Variants in TMED6 observed in about 807,000 individuals in gnomAD.
TMED6 encodes the protein transmembrane emp24 domain-containing protein 6.
TMED6 carries 17 observed loss-of-function variants against 26.5 expected under a neutral mutation model. The ratio of observed to expected loss-of-function variants is 0.64; its 90% CI spans 0.44 to 0.96. TMED6 has a LOEUF of 0.96. Among genes scored for constraint, TMED6 ranks in the 40% least tolerant of loss-of-function variants. The pLI, the probability that TMED6 is intolerant of heterozygous loss-of-function variation, is 0.00. For synonymous variants in TMED6, 107 were observed against 106.2 expected, an observed-to-expected ratio of 1.01 and a Z score of -0.04; for missense variants, 309 against 296.5, an observed-to-expected ratio of 1.04 and a Z score of -0.31.
intron 1 of TMED6, among the ~76,000 whole-genome samples, chr16:69,351,162 C>A (rs1567438554): frequency 6.6e-6 from 1 of 152,190 alleles, no homozygotes; most frequent in East Asian, 1.9e-4. Context: ...GCTGAAGCAG[C>A]CTTCTTTGAA....
intron 3 of TMED6, 54 bp from the exon 4 acceptor site, chr16:69,343,694 CCTGAGCGCTCA>C: frequency 6.7e-7 from 1 of 1,487,888 alleles, no homozygotes; most frequent in Non-Finnish European, 9.3e-7. Context: ...TCTAGCCTCA[CCTGAGCGCTCA>C]CTAGCACTAA....
intron 3 of TMED6, among the ~76,000 whole-genome samples, chr16:69,344,789 A>G (rs1439334116): frequency 6.6e-6 from 1 of 151,192 alleles, no homozygotes; most frequent in Non-Finnish European, 1.5e-5. Flanking sequence ...AAAAAAAGAA[A>G]AAAAGAAAGT....
chr16:69,347,386 T>C (rs1417170206), intron 3 of TMED6, among the ~76,000 whole-genome samples: 2 of 152,202 alleles, frequency 1.3e-5, no homozygotes, highest in Non-Finnish European at 2.9e-5. Context: ...TTTGAGACGG[T>C]GTCTTGCTGT....
At chr16:69,345,647 C>T (rs1444093787) in intron 3 of TMED6, among the ~76,000 whole-genome samples, 2 of 135,790 alleles carry the variant, frequency 1.5e-5, no homozygotes, top group African/African-American at 2.8e-5. Context: ...CACACCACTG[C>T]ACTCCAGCCT....
chr16:69,346,510 T>A (rs1427195597), intron 3 of TMED6, among the ~76,000 whole-genome samples: 1 of 152,212 alleles, frequency 6.6e-6, no homozygotes, highest in Non-Finnish European at 1.5e-5. Context: ...ATACCTGTAA[T>A]CCCAGCACTT....
At chr16:69,347,974 TC>T in intron 2 of TMED6, 38 bp from the exon 3 acceptor site, 1 of 1,607,484 alleles carries the variant, frequency 6.2e-7, no homozygotes, top group South Asian at 1.1e-5. Flanking sequence ...GTCTTTGGTC[TC>T]CTCCCCTTTG....
rs141162181 is a variant in TMED6, at chr16:69,351,596, G to C, written c.158C>G (p.Thr53Arg). 1.2e-6 allele frequency: 2 copies of C among 1,614,060 alleles called. No individual in the cohort carries two copies. Among genetic ancestry groups the C allele is most frequent in the Non-Finnish European group, 1.7e-6 (2 of 1,180,016 alleles). ...DFAIMIPPGG[T>R]ECFWQFAHQT... ...GTGGGCAAATTGCCAAAAGCATTCC[G>C]TGCCTCCTGGAGGTATCATGATGGC... Residue 53 changes from threonine (T) to arginine (R), a missense_variant, in exon 1 of 4, where the codon ACG becomes AGG. By Grantham distance (71) the Thr-to-Arg change is moderately conservative. Transcript: ENST00000288025.
chr16:69,345,305 T>C (rs1188889925), intron 3 of TMED6, among the ~76,000 whole-genome samples: 1 of 151,180 alleles, frequency 6.6e-6, no homozygotes, highest in Non-Finnish European at 1.5e-5. Context: ...TGAAAAGACA[T>C]TGCCAGAATG....
At chr16:69,348,680 C>A (rs1412367869) in intron 2 of TMED6, among the ~76,000 whole-genome samples, 1 of 151,902 alleles carries the variant, frequency 6.6e-6, no homozygotes, top group East Asian at 1.9e-4. Context: ...CAATGGCGCG[C>A]TCTCGGCCCA....
chr16:69,344,005 T>A (rs2012636971), intron 3 of TMED6, among the ~76,000 whole-genome samples: 1 of 152,050 alleles, frequency 6.6e-6, no homozygotes, highest in Non-Finnish European at 1.5e-5. Flanking sequence ...ATTTTTTTTT[T>A]TTTTTATTGT....
At chr16:69,350,769 G>A (rs1597233519) in intron 1 of TMED6, among the ~76,000 whole-genome samples, 2 of 152,168 alleles carry the variant, frequency 1.3e-5, no homozygotes, top group African/African-American at 4.8e-5. Context: ...AGTAGTGGCT[G>A]CTGTTCTAAT....
At chr16:69,345,493 C>G (rs1293980509) in intron 3 of TMED6, among the ~76,000 whole-genome samples, 1 of 151,698 alleles carries the variant, frequency 6.6e-6, no homozygotes, top group South Asian at 2.1e-4. Context: ...ACCAGCCTGA[C>G]CAACATGGTG....
At chr16:69,351,245 C>G (rs915299133) in intron 1 of TMED6, among the ~76,000 whole-genome samples, 7 of 152,184 alleles carry the variant, frequency 4.6e-5, no homozygotes, top group Admixed American at 1.3e-4. Context: ...TCTCTCCCCT[C>G]TCATCCCCAA....
rs531602990 is a variant in TMED6 at position 69,344,370 on chromosome 16, C to T, written c.490-730G>A. 5.3e-5 allele frequency among the ~76,000 whole-genome samples: 8 copies of T among 152,290 alleles called. No homozygotes were observed. The South Asian group carries it at 1.7e-3, about 32-fold the overall frequency. On this transcript the variant is annotated intron_variant, in intron 3 of 3. Coordinates refer to ENST00000288025, the MANE Select transcript of TMED6 (RefSeq NM_144676.4). ...AACTCTTGCCATTGTAGTACAAAAGCAGCCACAGACAATATGTAATTGTCA... is the reference window on the plus strand; with the variant it reads ...AACTCTTGCCATTGTAGTACAAAAGTAGCCACAGACAATATGTAATTGTCA...
At chr16:69,350,197 G>A (rs1361378286) in intron 1 of TMED6, among the ~76,000 whole-genome samples, 4 of 150,562 alleles carry the variant, frequency 2.7e-5, no homozygotes, top group South Asian at 2.1e-4. Context: ...GCTTGAACCC[G>A]GGAGGCAGGG....
intron 2 of TMED6, among the ~76,000 whole-genome samples, chr16:69,349,108 C>A (rs1382624464): frequency 1.3e-5 from 2 of 152,214 alleles, no homozygotes; most frequent in African/African-American, 4.8e-5. Context: ...GGATATCTCA[C>A]ATGGATATCA....
chr16:69,350,489 G>T (rs2012759073), intron 1 of TMED6, among the ~76,000 whole-genome samples: 1 of 151,936 alleles, frequency 6.6e-6, no homozygotes, highest in South Asian at 2.1e-4. Context: ...TAGTAGAGAT[G>T]CGTTTTCACC....
At chr16:69,351,212 G>A (rs112634035) in intron 1 of TMED6, among the ~76,000 whole-genome samples, 1 of 152,108 alleles carries the variant, frequency 6.6e-6, no homozygotes, top group African/African-American at 2.4e-5. Flanking sequence ...ATCCAATTTT[G>A]TTTTAATATA....
chr16:69,349,553 GC>G lies in TMED6; in HGVS notation c.311del (p.Gly104AlafsTer17). On this transcript the variant is annotated frameshift_variant, in exon 2 of 4. Transcript: ENST00000288025. LOFTEE classifies it high-confidence loss of function. ...FLIDTSQGVR[G>X]QINFSTQETG... ...TCTCTTGGGTAGAGAAGTTAATCTG[GC>G]CCCGAACACCCTGGGAGGTGTCTAT... is the stretch of plus-strand genomic sequence containing the variant. 6.2e-7 allele frequency: 1 copy of G among 1,613,838 alleles called. No homozygotes were observed. The highest frequency in any genetic ancestry group is 1.1e-5 in the South Asian group (1 of 91,002).
Sources: gnomAD v4.1 joint callset for allele counts (sites outside exome capture counted in the v4.1 genomes callset) on GRCh38, gnomAD v4.1.1 for gene constraint, MANE v1.5 for transcripts, NCBI Gene and HGNC (gene_info 2026-07-23, HGNC 2026-07-21) for gene names.